Variants in CHCHD6 observed in about 807,000 individuals in gnomAD.
CHCHD6 encodes the protein MICOS complex subunit MIC25.
In CHCHD6, 28 loss-of-function variants were observed where a neutral mutation model predicts 32.3. The ratio of observed to expected loss-of-function variants is 0.87; its 90% CI spans 0.64 to 1.19. The LOEUF is 1.19. Among genes scored for constraint, CHCHD6 ranks in the 50% most tolerant of loss-of-function variants. The probability of loss-of-function intolerance (pLI) is 0.00; values close to 1 mark genes in which losing one functional copy is unlikely to be tolerated. For missense variants in CHCHD6, 333 were observed against 307.0 expected (o/e 1.08, Z -0.63); for synonymous variants, 122 against 117.5 (o/e 1.04, Z -0.25).
At chr3:126,926,995 A>G (rs2078333609) in intron 6 of CHCHD6, among the ~76,000 whole-genome samples, 1 of 152,116 alleles carries the variant, frequency 6.6e-6, no homozygotes, top group Non-Finnish European at 1.5e-5. Context: ...ATGATTTTAT[A>G]CAAAGTGCAA....
chr3:126,766,965 CA>C, intron 4 of CHCHD6: 1 of 963,056 alleles, frequency 1.0e-6, no homozygotes, highest in Non-Finnish European at 1.7e-6. Flanking sequence ...AGTCCAGGAC[CA>C]GTGTGTGGTT....
At chr3:126,957,777 T>A in intron 7 of CHCHD6, 1 of 619,346 alleles carries the variant, frequency 1.6e-6, no homozygotes, top group South Asian at 1.9e-5. Context: ...AGGGAGATGA[T>A]CCCTGTTGCG....
intron 1 of CHCHD6, 136 bp downstream of exon 1, chr3:126,704,535 A>C: frequency 1.9e-6 from 1 of 518,850 alleles, no homozygotes; most frequent in Non-Finnish European, 3.1e-6. Context: ...GGCTCAGGCC[A>C]GGAAGAGGCT....
At chr3:126,818,297 CT>C (rs1191342612) in intron 4 of CHCHD6, among the ~76,000 whole-genome samples, 1 of 152,102 alleles carries the variant, frequency 6.6e-6, no homozygotes, top group Non-Finnish European at 1.5e-5. Flanking sequence ...CAGCATTTGA[CT>C]TTTGTCTCCC....
intron 4 of CHCHD6, among the ~76,000 whole-genome samples, chr3:126,805,118 G>A (rs1177222742): frequency 6.6e-6 from 1 of 152,102 alleles, no homozygotes; most frequent in African/African-American, 2.4e-5. Flanking sequence ...AAAACTGGAA[G>A]CATTCCCTTT....
At chr3:126,951,728 C>T (rs2078718128) in intron 6 of CHCHD6, among the ~76,000 whole-genome samples, 1 of 152,196 alleles carries the variant, frequency 6.6e-6, no homozygotes, top group Admixed American at 6.5e-5. Context: ...GGGCTGGGGA[C>T]ACAGACCAAC....
chr3:126,909,168 T>G (rs1024111650), intron 5 of CHCHD6, among the ~76,000 whole-genome samples: 1 of 152,094 alleles, frequency 6.6e-6, no homozygotes, highest in Non-Finnish European at 1.5e-5. Context: ...GGTTAGGGGG[T>G]GTCTTTCAGG....
chr3:126,728,111 T>A (rs1935623282), intron 2 of CHCHD6, among the ~76,000 whole-genome samples: 1 of 152,160 alleles, frequency 6.6e-6, no homozygotes, highest in African/African-American at 2.4e-5. Context: ...ATCTTCCCTG[T>A]TGGGTTGAAA....
intron 5 of CHCHD6, among the ~76,000 whole-genome samples, chr3:126,869,497 T>C (rs2077437015): frequency 6.6e-6 from 1 of 152,086 alleles, no homozygotes; most frequent in African/African-American, 2.4e-5. Flanking sequence ...AGCATGGTGA[T>C]GGTACAAAAT....
intron 4 of CHCHD6, among the ~76,000 whole-genome samples, chr3:126,816,977 C>T (rs1010148290): frequency 1.3e-5 from 2 of 151,974 alleles, no homozygotes; most frequent in African/African-American, 2.4e-5. Context: ...GTTTTTTGTC[C>T]TTGCAATAGC....
Position 126,932,528 on chromosome 3 carries a change from C to T in CHCHD6, c.566+17778C>T, listed in dbSNP as rs550864427. Reference sequence around the variant, plus strand: ...TTCCTCTGGTGAGGAGGCCTTCCCCCACCCCGCTTCTTCCCAGAGTTAGGG... The same window carrying T: ...TTCCTCTGGTGAGGAGGCCTTCCCCTACCCCGCTTCTTCCCAGAGTTAGGG... On this transcript the variant is annotated intron_variant, in intron 6 of 7. Transcript: ENST00000290913. Among the ~76,000 whole-genome samples, 5 of 152,332 alleles carry T rather than the reference C, an allele frequency of 3.3e-5. No homozygotes were observed. The East Asian group carries it at 9.6e-4, about 29-fold the overall frequency.
At chr3:126,776,798 T>C (rs150441158) in intron 4 of CHCHD6, among the ~76,000 whole-genome samples, 1 of 152,304 alleles carries the variant, frequency 6.6e-6, no homozygotes, top group East Asian at 1.9e-4. Context: ...TTTTTCTTAG[T>C]GGTAATGGAA....
intron 5 of CHCHD6, chr3:126,865,640 T>A: frequency 1.0e-6 from 1 of 985,208 alleles, no homozygotes; most frequent in Non-Finnish European, 1.2e-6. Flanking sequence ...CTGCCCCCTC[T>A]CCCACCGCTA....
chr3:126,851,721 CG>C (rs2107551843), intron 4 of CHCHD6, among the ~76,000 whole-genome samples: 1 of 152,308 alleles, frequency 6.6e-6, no homozygotes, highest in Admixed American at 6.5e-5. Flanking sequence ...ATCCCAGTGA[CG>C]GGACTTACAT....
chr3:126,740,016 T>G (rs1936220945), intron 4 of CHCHD6, among the ~76,000 whole-genome samples: 1 of 152,204 alleles, frequency 6.6e-6, no homozygotes, highest in African/African-American at 2.4e-5. Context: ...TGACAGGCTA[T>G]TAGTGTGGGA....
At chr3:126,837,580 A>G (rs1940910449) in intron 4 of CHCHD6, among the ~76,000 whole-genome samples, 1 of 152,210 alleles carries the variant, frequency 6.6e-6, no homozygotes, top group African/African-American at 2.4e-5. Flanking sequence ...ATACATATAT[A>G]CATAGTGTTT....
At chr3:126,748,988 A>G (rs770869559) in intron 4 of CHCHD6, among the ~76,000 whole-genome samples, 4 of 152,208 alleles carry the variant, frequency 2.6e-5, no homozygotes, top group Non-Finnish European at 4.4e-5. Context: ...AGGTCAGCTA[A>G]TGCTTCTCTG....
intron 5 of CHCHD6, among the ~76,000 whole-genome samples, chr3:126,865,152 T>TCCTCCTCCTCCTCCA (rs1576523998): frequency 6.4e-4 from 30 of 47,134 alleles, no homozygotes; most frequent in Non-Finnish European, 1.4e-3. Flanking sequence ...CACCTCCTTT[T>TCCTCCTCCTCCTCCA]CCACCACCTC....
chr3:126,786,979 T>C (rs1208186296), intron 4 of CHCHD6, among the ~76,000 whole-genome samples: 1 of 152,248 alleles, frequency 6.6e-6, no homozygotes, highest in African/African-American at 2.4e-5. Context: ...AAGTCTTTAA[T>C]CCATCTTGAA....
Sources: allele counts gnomAD v4.1 joint callset (sites outside exome capture counted in the v4.1 genomes callset), GRCh38; gene constraint gnomAD v4.1.1; transcripts MANE v1.5; gene names NCBI Gene and HGNC (gene_info 2026-07-23, HGNC 2026-07-21).